The following EIF2D variants were observed in gnomAD, a reference collection of about 807,000 sequenced individuals.
EIF2D encodes the protein eukaryotic translation initiation factor 2D, also known as hepatocellular carcinoma-associated antigen 56.
Under a neutral mutation model 77.4 loss-of-function variants are expected in EIF2D, and 56 were observed. The observed-to-expected ratio is 0.72, with a 90% CI of 0.58 to 0.90. The LOEUF (loss-of-function observed/expected upper bound fraction) is 0.90, where lower values mean the gene tolerates loss of function less well. EIF2D is among the 40% of genes least tolerant of loss of function. The pLI is 0.00. For missense variants in EIF2D, 574 were observed against 706.5 expected, an observed-to-expected ratio of 0.81 and a Z score of 2.13; for synonymous variants, 230 against 271.0, an observed-to-expected ratio of 0.85 and a Z score of 1.49.
At position 206,593,750 on chromosome 1, in the gene EIF2D, T is replaced by C. The variant is rs1669501306; in HGVS notation, c.1553A>G (p.Tyr518Cys). 6.2e-7 allele frequency: 1 copy of C among 1,613,310 alleles called. No individual in the cohort carries two copies. Among genetic ancestry groups the C allele is most frequent in the African/African-American group, 1.3e-5 (1 of 74,834 alleles). ...RNLEAYGLDP[Y>C]SVAAILQQRC... ...CTGCTGAAGGATGGCAGCCACTGAGTATGGGTCCAGACCATAGGCCTCCAA... is the reference window on the plus strand; with the variant it reads ...CTGCTGAAGGATGGCAGCCACTGAGCATGGGTCCAGACCATAGGCCTCCAA... Residue 518 changes from tyrosine (Y) to cysteine (C), a missense_variant, in exon 14 of 15, where the codon TAC (tyrosine) becomes TGC (cysteine). Tyr to Cys is a radical substitution (Grantham distance 194). Coordinates refer to ENST00000271764, the MANE Select transcript of EIF2D (RefSeq NM_006893.3).
At chr1:206,607,234 A>C (rs1305322498) in intron 4 of EIF2D, among the ~76,000 whole-genome samples, 1 of 152,232 alleles carries the variant, frequency 6.6e-6, no homozygotes, top group Non-Finnish European at 1.5e-5. Flanking sequence ...AAACGTCCAC[A>C]CTATATTAAG....
chr1:206,590,650 C>T (rs782683904), downstream of EIF2D, among the ~76,000 whole-genome samples: 8 of 152,092 alleles, frequency 5.3e-5, no homozygotes, highest in African/African-American at 9.7e-5. Context: ...CTATTCTGGG[C>T]CTGATAACAG....
chr1:206,600,464 G>C (rs1669874065), intron 7 of EIF2D, 156 bp from the exon 8 acceptor site: 1 of 648,868 alleles, frequency 1.5e-6, no homozygotes, highest in Non-Finnish European at 2.7e-6. Context: ...ACAGCAGAGA[G>C]GGATGCAGAC....
intron 4 of EIF2D, 119 bp from the exon 5 acceptor site, chr1:206,605,626 A>G: frequency 1.3e-6 from 1 of 784,182 alleles, no homozygotes; most frequent in South Asian, 1.7e-5. Context: ...AAGGTCTTGT[A>G]TCATAAAACC....
intron 4 of EIF2D, among the ~76,000 whole-genome samples, chr1:206,606,308 G>A (rs1202615111): frequency 6.6e-6 from 1 of 152,188 alleles, no homozygotes. Context: ...CTATAGGTCA[G>A]TTCCTGCCAC....
chr1:206,608,688 G>C (rs551819793), intron 3 of EIF2D, among the ~76,000 whole-genome samples: 1 of 152,288 alleles, frequency 6.6e-6, no homozygotes, highest in South Asian at 2.1e-4. Context: ...TCAAATGGTG[G>C]TTTCTAAGCC....
chr1:206,573,838 A>G (rs535658409), intron 4 of EIF2D, among the ~76,000 whole-genome samples: 2 of 152,370 alleles, frequency 1.3e-5, no homozygotes, highest in South Asian at 4.1e-4. Flanking sequence ...TGAGAGCCCC[A>G]TCTCTTAAAA....
intron 4 of EIF2D, among the ~76,000 whole-genome samples, chr1:206,577,864 G>A (rs1455516602): frequency 6.6e-6 from 1 of 152,202 alleles, no homozygotes; most frequent in Non-Finnish European, 1.5e-5. Flanking sequence ...GAAGTATGAT[G>A]TAAGTCATTA....
At chr1:206,596,673 C>T (rs1669662482) in intron 12 of EIF2D, among the ~76,000 whole-genome samples, 1 of 151,944 alleles carries the variant, frequency 6.6e-6, no homozygotes, top group African/African-American at 2.4e-5. Context: ...TTTTTAAATG[C>T]CCTCACTTTA....
At chr1:206,578,026 C>A (rs1187527325) in intron 4 of EIF2D, among the ~76,000 whole-genome samples, 4 of 151,860 alleles carry the variant, frequency 2.6e-5, no homozygotes, top group African/African-American at 9.7e-5. Context: ...AGTTTGAGAC[C>A]AGCCTGGGCA....
In EIF2D at chr1:206,591,709, T is replaced by C; in HGVS notation, c.*66A>G. 1 of 1,381,854 alleles carries C rather than the reference T, an allele frequency of 7.2e-7. No homozygotes were observed. Among genetic ancestry groups the C allele is most frequent in the Non-Finnish European group, 1.0e-6 (1 of 977,766 alleles). 85.6% of individuals were successfully genotyped at this position (1,381,854 alleles called of 1,614,324 possible). A position where few individuals can be genotyped will look rare whatever the true frequency, so the allele number is the denominator to read the frequency against. On this transcript the variant is annotated 3_prime_UTR_variant, in exon 15 of 15. Transcript: ENST00000271764. Reference sequence around the variant, plus strand: ...TTGTATTTGCAAAAGCTGAAAATGCTCATAAAAATTACCAGCCCAGAGCTT... The same window carrying C: ...TTGTATTTGCAAAAGCTGAAAATGCCCATAAAAATTACCAGCCCAGAGCTT...
chr1:206,576,214 C>T (rs1668652326), intron 4 of EIF2D, among the ~76,000 whole-genome samples: 1 of 152,190 alleles, frequency 6.6e-6, no homozygotes, highest in Non-Finnish European at 1.5e-5. Flanking sequence ...CTGAAATCAC[C>T]TCTATAGGCT....
chr1:206,597,107 G>A lies in EIF2D; in HGVS notation c.1381C>T (p.Leu461=). The change falls in exon 12 of 15, where the codon CTG becomes TTG. Residue 461 remains leucine (L), a synonymous_variant. Transcript: ENST00000271764. ...TVMKLPWDSL[L]TRCLEKLQPA... The stretch of plus-strand genomic sequence containing the variant: ...ACTGCCAATGCTCGTTACCTGGTCA[G>A]AAGACTGTCCCATGGAAGCTTCATG... The A allele has an allele frequency of 6.2e-7, 1 of 1,613,914 alleles. No homozygotes were observed. Among genetic ancestry groups the A allele is most frequent in the Non-Finnish European group, 8.5e-7 (1 of 1,179,838 alleles).
In EIF2D at chr1:206,592,513, G is replaced by A. The variant is rs1166908628; in HGVS notation, c.1685-668C>T. Among the ~76,000 whole-genome samples, 1 of 152,198 alleles carries A rather than the reference G, an allele frequency of 6.6e-6. No individual in the cohort carries two copies. Among genetic ancestry groups the A allele is most frequent in the Non-Finnish European group, 1.5e-5 (1 of 68,030 alleles). On this transcript the variant is annotated intron_variant, in intron 14 of 14. Transcript: ENST00000271764. The surrounding 1 kb of genome is among the most constrained non-coding windows in gnomAD (Gnocchi z 4.7). ...AGCCCAGGCGGAAGCACATGTGGGT[G>A]AACATGCAAGGAGAATCTGGAGAAC...
intron 12 of EIF2D, 48 bp from the exon 13 acceptor site, chr1:206,595,886 AT>A: frequency 6.2e-7 from 1 of 1,604,530 alleles, no homozygotes; most frequent in Non-Finnish European, 8.5e-7. Context: ...AACAGAAACC[AT>A]TTCCTCATAC....
chr1:206,608,919 A>G (rs11809846), intron 3 of EIF2D, among the ~76,000 whole-genome samples: 8,928 of 152,102 alleles, frequency 0.059, 313 homozygotes, highest in South Asian at 0.093. Flanking sequence ...AGGCGTGGTG[A>G]TGCACACCTG....
chr1:206,595,850 G>A lies in EIF2D; in HGVS notation c.1389-12C>T. The A allele has an allele frequency of 6.2e-7, 1 of 1,613,674 alleles. No individual in the cohort carries two copies. On this transcript the variant is annotated splice_polypyrimidine_tract_variant and intron_variant, in intron 12 of 14. Coordinates refer to ENST00000271764, the MANE Select transcript of EIF2D (RefSeq NM_006893.3). ...ATTTTTCCAAACACCTGAAACAGAA[G>A]TTATGAGTTGCAAACTGATAAAGCC...
In EIF2D at chr1:206,608,474, C is replaced by T. The variant is rs1670307105; in HGVS notation, c.332-148G>A. 46 of 661,054 alleles carry T rather than the reference C, an allele frequency of 7.0e-5. 1 individual carries two copies. The highest frequency in any genetic ancestry group is 6.8e-4 in the South Asian group (31 of 45,324). 40.9% of individuals were successfully genotyped at this position (661,054 alleles called of 1,614,324 possible). A position where few individuals can be genotyped will look rare whatever the true frequency, so the allele number is the denominator to read the frequency against. ...AATAAAAATGAAAAATGGCAACTTCCAACAAAAAAATAGTTATTAGTTATC... is the reference window on the plus strand; with the variant it reads ...AATAAAAATGAAAAATGGCAACTTCTAACAAAAAAATAGTTATTAGTTATC... On this transcript the variant is annotated intron_variant, in intron 3 of 14. Coordinates refer to ENST00000271764, the MANE Select transcript of EIF2D (RefSeq NM_006893.3).
downstream of EIF2D, among the ~76,000 whole-genome samples, chr1:206,590,276 A>G (rs1669301427): frequency 6.6e-6 from 1 of 152,204 alleles, no homozygotes; most frequent in South Asian, 2.1e-4. Context: ...TCAAACCACA[A>G]TTAAGGGTAG....
Sources: allele counts gnomAD v4.1 joint callset (sites outside exome capture counted in the v4.1 genomes callset), GRCh38; gene constraint gnomAD v4.1.1; non-coding constraint Gnocchi (gnomAD v3.1); transcripts MANE v1.5; gene names NCBI Gene and HGNC (gene_info 2026-07-23, HGNC 2026-07-21).